Variants in MSN observed in about 807,000 individuals in gnomAD.
MSN encodes the protein epididymis luminal protein 70.
Under a neutral mutation model 48.0 loss-of-function variants are expected in MSN, and 2 were observed. The ratio of observed to expected loss-of-function variants is 0.04; its 90% CI spans 0.02 to 0.13. The LOEUF is 0.13. MSN is among the 10% of genes least tolerant of loss of function. The probability of loss-of-function intolerance (pLI) is 1.00; values close to 1 mark genes in which losing one functional copy is unlikely to be tolerated. For synonymous variants in MSN, 146 were observed against 166.9 expected, an observed-to-expected ratio of 0.87 and a Z score of 0.97; for missense variants, 267 against 470.1, an observed-to-expected ratio of 0.57 and a Z score of 3.99.
At chrX:65,628,026 T>A (rs1264768350) in intron 1 of MSN, among the ~76,000 whole-genome samples, 1 of 112,708 alleles carries the variant, frequency 8.9e-6, no homozygotes, top group Non-Finnish European at 1.9e-5. Context: ...AAGAGATGGG[T>A]TCCCATGGTT....
chrX:65,593,791 C>T (rs1479922747), intron 1 of MSN, among the ~76,000 whole-genome samples: 1 of 112,750 alleles, frequency 8.9e-6, no homozygotes, highest in Non-Finnish European at 1.9e-5. Context: ...GATCCACCTG[C>T]CTCAGCCTCC....
intron 1 of MSN, among the ~76,000 whole-genome samples, chrX:65,619,441 G>A (rs1246380110): frequency 1.2e-4 from 12 of 97,565 alleles, no homozygotes; most frequent in South Asian, 1.2e-3. Flanking sequence ...TTCCCTTCTC[G>A]CTTCATTTCA....
intron 1 of MSN, among the ~76,000 whole-genome samples, chrX:65,683,393 GCCA>G (rs535010759): frequency 0.1 from 9,196 of 91,211 alleles, 1,619 homozygotes; most frequent in African/African-American, 0.36. Flanking sequence ...TGCCGCCGCC[GCCA>G]CCACCACCAC....
chrX:65,618,085 T>A (rs1230539957), intron 1 of MSN, among the ~76,000 whole-genome samples: 3 of 111,740 alleles, frequency 2.7e-5, no homozygotes, highest in Non-Finnish European at 5.6e-5. Context: ...TTTGTTATAA[T>A]TTCTGTTCTT....
intron 2 of MSN, among the ~76,000 whole-genome samples, chrX:65,725,036 A>C (rs2071554816): frequency 8.9e-6 from 1 of 112,095 alleles, no homozygotes; most frequent in Non-Finnish European, 1.9e-5. Context: ...CTTTATACAG[A>C]AAAGAGGCTT....
chrX:65,709,669 G>A (rs2071396165), intron 1 of MSN, among the ~76,000 whole-genome samples: 1 of 112,399 alleles, frequency 8.9e-6, no homozygotes, highest in African/African-American at 3.2e-5. Context: ...ACGTACTTTG[G>A]GCCAGCACTG....
intron 1 of MSN, among the ~76,000 whole-genome samples, chrX:65,695,507 C>CA (rs759652563): frequency 0.046 from 585 of 12,843 alleles, 49 homozygotes; most frequent in African/African-American, 0.063. Context: ...AACTCTGTCT[C>CA]AAAAAAAAAA....
chrX:65,722,950 A>G (rs2071532945), intron 2 of MSN, among the ~76,000 whole-genome samples: 1 of 111,352 alleles, frequency 9.0e-6, no homozygotes. Flanking sequence ...TCCACATGTC[A>G]AAAGGAGGTA....
chrX:65,627,198 A>G (rs1308571008), intron 1 of MSN, among the ~76,000 whole-genome samples: 1 of 105,358 alleles, frequency 9.5e-6, no homozygotes, highest in East Asian at 2.8e-4. Context: ...ATTTTGCTGC[A>G]TGGTCTATAA....
rs2071719255 is a variant in MSN at position 65,739,969 on chromosome X, A to C, written c.*76A>C. On this transcript the variant is annotated 3_prime_UTR_variant, in exon 13 of 13. Coordinates refer to ENST00000360270, the MANE Select transcript of MSN (RefSeq NM_002444.3). ...CTCCTACACCTAACTCACCTAACTC[A>C]TACTGTGCTGGAGCCACTAACTAGA... 1.1e-3 allele frequency: 1,168 copies of C among 1,062,111 alleles called. No homozygotes were observed. Among genetic ancestry groups the C allele is most frequent in the Non-Finnish European group, 1.4e-3 (1,073 of 782,696 alleles). The allele number at this position is 1,062,111 out of a possible 1,213,427, so 87.5% of individuals were successfully genotyped here.
At chrX:65,695,081 CGTGTGTGTGTGTGT>C in intron 1 of MSN, among the ~76,000 whole-genome samples, 1 of 99,900 alleles carries the variant, frequency 1.0e-5, no homozygotes, top group Non-Finnish European at 2.1e-5. Flanking sequence ...TGTGTGTCTG[CGTGTGTGTGTGTGT>C]GTGTGTGTGT....
rs779472816 is a variant in MSN at position 65,681,046 on chromosome X, T to C, written c.12+13193T>C. ...GATTACAGGTATGAGCCACTGCACC[T>C]GGCCATGATTTTTTTTTTAACTGTG... is the stretch of plus-strand genomic sequence containing the variant. On this transcript the variant is annotated intron_variant, in intron 1 of 12. Transcript: ENST00000360270. 2.7e-5 allele frequency among the ~76,000 whole-genome samples: 3 copies of C among 111,269 alleles called. No homozygotes were observed. In the East Asian group the frequency reaches 8.4e-4, roughly 31 times the overall value.
chrX:65,610,749 A>G (rs757163611), intron 1 of MSN, among the ~76,000 whole-genome samples: 24 of 112,531 alleles, frequency 2.1e-4, no homozygotes, highest in Admixed American at 2.0e-3. Context: ...GAATTTCCCC[A>G]CAACTTTTCA....
At chrX:65,689,133 A>G (rs2071146295) in intron 1 of MSN, among the ~76,000 whole-genome samples, 1 of 111,399 alleles carries the variant, frequency 9.0e-6, no homozygotes, top group African/African-American at 3.3e-5. Flanking sequence ...AGCAATCTTG[A>G]CCAAGTCCTT....
At chrX:65,649,219 G>C (rs1014419329) in intron 1 of MSN, among the ~76,000 whole-genome samples, 1 of 105,349 alleles carries the variant, frequency 9.5e-6, no homozygotes, top group African/African-American at 3.5e-5. Flanking sequence ...TGAGGGAGAA[G>C]TGCTGGTAGG....
At chrX:65,609,421 G>A (rs1258168230) in intron 1 of MSN, among the ~76,000 whole-genome samples, 2 of 111,007 alleles carry the variant, frequency 1.8e-5, no homozygotes, top group Non-Finnish European at 1.9e-5. Context: ...AAAGGGAGGG[G>A]CAGAGACTGC....
At chrX:65,680,392 C>T (rs2071042892) in intron 1 of MSN, among the ~76,000 whole-genome samples, 1 of 111,859 alleles carries the variant, frequency 8.9e-6, no homozygotes, top group Non-Finnish European at 1.9e-5. Context: ...TAGATAAATG[C>T]TATTTAATTT....
At chrX:65,699,905 A>G (rs768136433) in intron 1 of MSN, among the ~76,000 whole-genome samples, 4 of 111,482 alleles carry the variant, frequency 3.6e-5, no homozygotes, top group African/African-American at 9.8e-5. Context: ...ACACTTGAGC[A>G]TGTTGCTTTT....
At chrX:65,712,250 T>G in intron 1 of MSN, among the ~76,000 whole-genome samples, 1 of 111,764 alleles carries the variant, frequency 8.9e-6, no homozygotes, top group Non-Finnish European at 1.9e-5. Context: ...GGGCCTTTCC[T>G]GTCCCATTGT....
Sources: gnomAD v4.1 joint callset for allele counts (sites outside exome capture counted in the v4.1 genomes callset) on GRCh38, gnomAD v4.1.1 for gene constraint, MANE v1.5 for transcripts, NCBI Gene and HGNC (gene_info 2026-07-23, HGNC 2026-07-21) for gene names.